MID1: variants seen among roughly 807,000 people sequenced by gnomAD.
MID1 encodes the protein midline 1, also known as E3 ubiquitin-protein ligase Midline-1.
A neutral mutation model predicts 40.4 loss-of-function variants in MID1; 7 were observed. The observed-to-expected ratio is 0.17, with a 90% CI of 0.10 to 0.33. The LOEUF is 0.33. MID1 is among the 10% of genes least tolerant of loss of function. The probability of loss-of-function intolerance (pLI) is 1.00; values close to 1 mark genes in which losing one functional copy is unlikely to be tolerated. For synonymous variants in MID1, 229 were observed against 221.2 expected, an observed-to-expected ratio of 1.04 and a Z score of -0.31; for missense variants, 367 against 558.5, an observed-to-expected ratio of 0.66 and a Z score of 3.46.
chrX:10,698,098 T>C (rs2043172397), intron 1 of MID1, among the ~76,000 whole-genome samples: 1 of 112,493 alleles, frequency 8.9e-6, no homozygotes, highest in South Asian at 3.7e-4. Context: ...TTCTAAAATA[T>C]TTCTAGTAAG....
intron 7 of MID1, among the ~76,000 whole-genome samples, chrX:10,465,367 T>G (rs1287826631): frequency 9.3e-6 from 1 of 107,542 alleles, no homozygotes; most frequent in Non-Finnish European, 1.9e-5. Context: ...AACTCCCTGG[T>G]ATTCATAACT....
At chrX:10,824,034 G>C (rs755631168) in intron 1 of MID1, among the ~76,000 whole-genome samples, 1 of 111,950 alleles carries the variant, frequency 8.9e-6, no homozygotes, top group African/African-American at 3.2e-5. Context: ...ATTGATTTAT[G>C]CTACCAAAAT....
intron 1 of MID1, among the ~76,000 whole-genome samples, chrX:10,617,516 T>C (rs751967880): frequency 7.0e-4 from 79 of 112,332 alleles, no homozygotes; most frequent in Non-Finnish European, 1.3e-3. Flanking sequence ...AGATCAGAAA[T>C]ACATCATGCA....
intron 1 of MID1, among the ~76,000 whole-genome samples, chrX:10,764,193 G>C (rs1219515246): frequency 9.0e-6 from 1 of 111,646 alleles, no homozygotes; most frequent in Non-Finnish European, 1.9e-5. Flanking sequence ...TGTCAATTTT[G>C]GCTTTTGTTG....
chrX:10,510,360 G>A (rs1364224180), intron 3 of MID1, among the ~76,000 whole-genome samples: 1 of 111,131 alleles, frequency 9.0e-6, no homozygotes, highest in Non-Finnish European at 1.9e-5. Context: ...ACCCCTATGA[G>A]GAATCACTGT....
intron 1 of MID1, among the ~76,000 whole-genome samples, chrX:10,589,199 C>G (rs766285598): frequency 3.8e-4 from 43 of 111,899 alleles, no homozygotes; most frequent in Non-Finnish European, 1.3e-4. Context: ...TCCAGGCAAT[C>G]CAAGTATCAA....
At chrX:10,681,287 A>G (rs775175489) in intron 1 of MID1, among the ~76,000 whole-genome samples, 1 of 111,274 alleles carries the variant, frequency 9.0e-6, no homozygotes, top group African/African-American at 3.3e-5. Flanking sequence ...TTAGTGGCTT[A>G]AAGCAAGCCA....
chrX:10,461,796 G>A (rs1357550289), intron 7 of MID1, among the ~76,000 whole-genome samples: 1 of 112,274 alleles, frequency 8.9e-6, no homozygotes, highest in Non-Finnish European at 1.9e-5. Flanking sequence ...AATGAGAATC[G>A]TATCAATTTC....
At chrX:10,613,700 T>TATATAA in intron 1 of MID1, among the ~76,000 whole-genome samples, 2 of 17,822 alleles carry the variant, frequency 1.1e-4, no homozygotes, top group Non-Finnish European at 1.8e-4. Flanking sequence ...GAAAGGAATA[T>TATATAA]ATATATATAT....
chrX:10,719,487 C>A (rs2043332455), intron 1 of MID1, among the ~76,000 whole-genome samples: 1 of 111,059 alleles, frequency 9.0e-6, no homozygotes, highest in Admixed American at 9.6e-5. Flanking sequence ...ATCCAACTTA[C>A]AAGGGATGTG....
In MID1 at chrX:10,737,485, C is replaced by T. The variant is rs149122903; in HGVS notation, c.-187+96069G>A. 2.8e-3 allele frequency among the ~76,000 whole-genome samples: 314 copies of T among 112,285 alleles called. 1 individual carries two copies. The highest frequency in any genetic ancestry group is 9.9e-3 in the African/African-American group (305 of 30,907). ...ATGCCGGCCGCGGCCAATGCCAGAGCCTGGAAGAGCAAATATCACAGAAGG... is the reference window on the plus strand; with the variant it reads ...ATGCCGGCCGCGGCCAATGCCAGAGTCTGGAAGAGCAAATATCACAGAAGG... On this transcript the variant is annotated intron_variant, in intron 1 of 10. Coordinates refer to the MID1 transcript ENST00000380785.
At chrX:10,533,366 AAG>A (rs1356241677) in intron 2 of MID1, among the ~76,000 whole-genome samples, 224 of 86,411 alleles carry the variant, frequency 2.6e-3, no homozygotes, top group African/African-American at 7.9e-3. Context: ...GAAAGAAAGA[AAG>A]AAAGAAAGAA....
intron 1 of MID1, among the ~76,000 whole-genome samples, chrX:10,760,741 G>C (rs1234960854): frequency 1.8e-5 from 2 of 111,761 alleles, no homozygotes; most frequent in Non-Finnish European, 3.8e-5. Flanking sequence ...AGGATTGCTT[G>C]AGCCTAGGAG....
intron 1 of MID1, among the ~76,000 whole-genome samples, chrX:10,800,261 T>C (rs2043997319): frequency 8.9e-6 from 1 of 111,866 alleles, no homozygotes; most frequent in African/African-American, 3.3e-5. Flanking sequence ...TTGAGGGTGG[T>C]CTCTGGGCAA....
intron 1 of MID1, among the ~76,000 whole-genome samples, chrX:10,678,743 A>G (rs1244324961): frequency 8.9e-6 from 1 of 112,249 alleles, no homozygotes; most frequent in Non-Finnish European, 1.9e-5. Context: ...ATGAAACAAA[A>G]GGAGACATAT....
chrX:10,797,520 C>G (rs1422528464), intron 1 of MID1, among the ~76,000 whole-genome samples: 1 of 111,840 alleles, frequency 8.9e-6, no homozygotes, highest in Non-Finnish European at 1.9e-5. Context: ...GGGGCTGAAG[C>G]AGACCTTGAA....
intron 2 of MID1, among the ~76,000 whole-genome samples, chrX:10,559,988 C>T (rs976097063): frequency 9.3e-6 from 1 of 108,016 alleles, no homozygotes; most frequent in Non-Finnish European, 1.9e-5. Flanking sequence ...GCTCAATGAT[C>T]CTCTCACCTC....
intron 1 of MID1, among the ~76,000 whole-genome samples, chrX:10,638,803 G>A (rs1260246584): frequency 8.9e-6 from 1 of 111,764 alleles, no homozygotes; most frequent in Non-Finnish European, 1.9e-5. Context: ...CCTCTGAGAT[G>A]AAGCTTCCAG....
chrX:10,533,897 A>T (rs1933137215), intron 2 of MID1, among the ~76,000 whole-genome samples: 2 of 111,750 alleles, frequency 1.8e-5, no homozygotes, highest in South Asian at 7.4e-4. Context: ...AGGATTAGTT[A>T]GTTCCTACCA....
Sources: allele counts gnomAD v4.1 joint callset (sites outside exome capture counted in the v4.1 genomes callset), GRCh38; gene constraint gnomAD v4.1.1; transcripts MANE v1.5; gene names NCBI Gene and HGNC (gene_info 2026-07-23, HGNC 2026-07-21).